The following CATSPERG variants were observed in gnomAD, a reference collection of about 807,000 sequenced individuals.
The protein encoded by CATSPERG is catsper channel auxiliary subunit gamma.
Under a neutral mutation model 145.0 loss-of-function variants are expected in CATSPERG, and 115 were observed. That is an observed-to-expected ratio of 0.79 (90% confidence interval 0.68 to 0.93). CATSPERG has a LOEUF of 0.93. Among genes scored for constraint, CATSPERG ranks in the 40% least tolerant of loss-of-function variants. The pLI, the probability that CATSPERG is intolerant of heterozygous loss-of-function variation, is 0.00. For synonymous variants in CATSPERG, 588 were observed against 589.0 expected, an observed-to-expected ratio of 1.00 and a Z score of 0.02; for missense variants, 1,296 against 1,490.1, an observed-to-expected ratio of 0.87 and a Z score of 2.14.
At chr19:38,341,591 C>A (rs1411931982) in intron 3 of CATSPERG, among the ~76,000 whole-genome samples, 3 of 152,038 alleles carry the variant, frequency 2.0e-5, no homozygotes, top group African/African-American at 7.2e-5. Flanking sequence ...TAGGGAGACC[C>A]TGTCTCTACA....
At chr19:38,356,440 C>G in intron 9 of CATSPERG, 44 bp from the exon 10 acceptor site, 3 of 1,597,470 alleles carry the variant, frequency 1.9e-6, no homozygotes, top group Non-Finnish European at 2.6e-6. Flanking sequence ...GGCTGCCAGA[C>G]AGGAGGGAGA....
At chr19:38,362,879 T>TG (rs759239292) in intron 20 of CATSPERG, 47 bp downstream of exon 20, 149 of 1,231,078 alleles carry the variant, frequency 1.2e-4, no homozygotes, top group Admixed American at 7.8e-4. Flanking sequence ...TTGTTTTTTT[T>TG]TTTTTTTTTT....
Position 38,344,046 on chromosome 19 carries a change from A to T in CATSPERG, c.523A>T (p.Ile175Phe), listed in dbSNP as rs765910483. The T allele has an allele frequency of 6.4e-7, 1 of 1,551,576 alleles. No individual in the cohort carries two copies. Among genetic ancestry groups the T allele is most frequent in the Non-Finnish European group, 8.7e-7 (1 of 1,146,920 alleles). ...CATGAGCTGGTACACGCCCATGCCC[A>T]TCAAGAAAGGCAGTGTGGTCATGCG... ...CSMSWYTPMP[I>F]KKGSVVMRVD... Residue 175 changes from isoleucine to phenylalanine, a missense_variant, in exon 5 of 29, where the codon ATC (isoleucine) becomes TTC (phenylalanine). Ile to Phe is a conservative substitution (Grantham distance 21, BLOSUM62 0). Coordinates refer to ENST00000409235, the MANE Select transcript of CATSPERG (RefSeq NM_021185.5).
chr19:38,353,336 A>G (rs1970181028), intron 8 of CATSPERG, among the ~76,000 whole-genome samples: 1 of 151,326 alleles, frequency 6.6e-6, no homozygotes, highest in Non-Finnish European at 1.5e-5. Flanking sequence ...TCAGTTTAAA[A>G]AAAAGAGAGA....
At chr19:38,352,576 G>A (rs1436944227) in intron 8 of CATSPERG, 144 bp downstream of exon 8, 6 of 686,388 alleles carry the variant, frequency 8.7e-6, no homozygotes, top group South Asian at 3.1e-5. Flanking sequence ...TGCCCACCCC[G>A]AATGGGCCTT....
At chr19:38,365,028 G>A (rs768453621) in intron 21 of CATSPERG, 33 bp from the exon 22 acceptor site, 2 of 1,613,932 alleles carry the variant, frequency 1.2e-6, no homozygotes, top group South Asian at 1.1e-5. Context: ...TGGGCCGGCG[G>A]GGATCACCAT....
rs765154474 is a variant in CATSPERG, at chr19:38,361,763, C to A, written c.1996C>A (p.Arg666Ser). ...GGAGCGCTACCGGGCGCGGCCGCCGCGCGTCCTGGAGCGCTCGGGCTTCCA... is the reference window on the plus strand; with the variant it reads ...GGAGCGCTACCGGGCGCGGCCGCCGAGCGTCCTGGAGCGCTCGGGCTTCCA... ...RQERYRARPP[R>S]VLERSGFHNE... The change falls in exon 17 of 29, where the codon CGC becomes AGC. Residue 666 changes from arginine (R) to serine (S), a missense_variant. By Grantham distance (110) the Arg-to-Ser change is moderately radical. Coordinates refer to ENST00000409235, the MANE Select transcript of CATSPERG (RefSeq NM_021185.5). The A allele has an allele frequency of 1.5e-5, 24 of 1,613,124 alleles. No individual in the cohort carries two copies. The highest frequency in any genetic ancestry group is 1.9e-5 in the Non-Finnish European group (23 of 1,179,636).
chr19:38,356,714 G>A (rs189681757), intron 10 of CATSPERG, 28 bp from the exon 11 acceptor site: 1,378 of 1,613,012 alleles, frequency 8.5e-4, no homozygotes, highest in Non-Finnish European at 1.1e-3. Flanking sequence ...GCCCTGGGGC[G>A]GCTCTGGACT....
intron 8 of CATSPERG, among the ~76,000 whole-genome samples, chr19:38,353,027 C>CAA (rs61080753): frequency 4.1e-4 from 25 of 61,500 alleles, no homozygotes; most frequent in East Asian, 8.2e-4. Flanking sequence ...GACCCTGTTT[C>CAA]AAAAAAAAAA....
chr19:38,343,498 C>CA (rs1479399405), intron 3 of CATSPERG, 82 bp from the exon 4 acceptor site: 1 of 1,280,028 alleles, frequency 7.8e-7, no homozygotes, highest in Non-Finnish European at 1.1e-6. Flanking sequence ...GCCCAGGAGA[C>CA]AGACTGTTAG....
rs372780505 is a variant in CATSPERG at position 38,360,767 on chromosome 19, G to T, written c.1804G>T (p.Val602Phe). Residue 602 changes from valine (V) to phenylalanine (F), a missense_variant, in exon 16 of 29, where the codon GTC becomes TTC. Physicochemically the swap from Val to Phe is conservative, Grantham distance 50 (BLOSUM62 -1). Transcript: ENST00000409235. ...TATGAACAACCAGAAGGGCCAGCTG[G>T]TCAAGAGGCTCGTGCCCGTGGAGCA... ...YLMNNQKGQL[V>F]KRLVPVEQLL... 20 of 1,613,924 alleles carry T rather than the reference G, an allele frequency of 1.2e-5. No individual in the cohort carries two copies. The highest frequency in any genetic ancestry group is 1.7e-5 in the Admixed American group (1 of 59,970).
intron 7 of CATSPERG, among the ~76,000 whole-genome samples, chr19:38,348,164 CT>C (rs201112519): frequency 7.4e-5 from 11 of 149,020 alleles, no homozygotes; most frequent in African/African-American, 2.0e-4. Context: ...TTTACACCAA[CT>C]TTTTTTTTTA....
chr19:38,336,238 G>A (rs1012613905), intron 1 of CATSPERG: 4 of 456,446 alleles, frequency 8.8e-6, no homozygotes, highest in African/African-American at 8.0e-5. Context: ...TGGTGCCGGC[G>A]TGGAAGGAGA....
Position 38,361,866 on chromosome 19 carries a change from G to A in CATSPERG, c.2094+5G>A, listed in dbSNP as rs1402954041. ...CTGCACTCCGTGTACGACAAGGTGG[G>A]CGTCCGGCGGCGGGCGGGCAGGCCT... On this transcript the variant is annotated splice_donor_5th_base_variant and intron_variant, in intron 17 of 28. Coordinates refer to ENST00000409235, the MANE Select transcript of CATSPERG (RefSeq NM_021185.5). 2 of 1,597,254 alleles carry A rather than the reference G, an allele frequency of 1.3e-6. No homozygotes were observed. The highest frequency in any genetic ancestry group is 1.3e-5 in the African/African-American group (1 of 74,652).
rs1969989442 is a variant in CATSPERG at position 38,344,296 on chromosome 19, G to C, written c.597G>C (p.Arg199Ser). ...GCGCCTATTCTGCACCTGCTGCTAGGTTCCAGATGAATATCAACGGCTTCC... is the reference window on the plus strand; with the variant it reads ...GCGCCTATTCTGCACCTGCTGCTAGCTTCCAGATGAATATCAACGGCTTCC... ...NGLGTFIPDK[R>S]FQMNINGFLK... The change falls in exon 6 of 29, where the codon AGG becomes AGC. Residue 199 changes from arginine (R) to serine (S), a missense_variant and splice_region_variant. Transcript: ENST00000409235. 4 of 1,551,580 alleles carry C rather than the reference G, an allele frequency of 2.6e-6. No individual in the cohort carries two copies. The highest frequency in any genetic ancestry group is 2.0e-5 in the Admixed American group (1 of 50,972).
intron 9 of CATSPERG, 111 bp downstream of exon 9, chr19:38,354,958 C>A: frequency 1.6e-6 from 2 of 1,273,762 alleles, no homozygotes; most frequent in Non-Finnish European, 2.2e-6. Context: ...AGGAGGGCCC[C>A]TAGGCTGAGG....
At position 38,351,907 on chromosome 19, in the gene CATSPERG, TA is replaced by T. The variant is rs200385282; in HGVS notation, c.826-346del. ...GGGTGACAGAGCCAGATCCAGCCTTTAAAAAAAATGTCCCTTGGGGCGAGCA... is the reference window on the plus strand; with the variant it reads ...GGGTGACAGAGCCAGATCCAGCCTTTAAAAAAATGTCCCTTGGGGCGAGCA... On this transcript the variant is annotated intron_variant, in intron 7 of 28. Coordinates refer to ENST00000409235, the MANE Select transcript of CATSPERG (RefSeq NM_021185.5). Among the ~76,000 whole-genome samples, 219 of 151,838 alleles carry T rather than the reference TA, an allele frequency of 1.4e-3. 3 individuals carry two copies. In the East Asian group the frequency reaches 0.035, roughly 24 times the overall value.
chr19:38,337,275 C>T lies in CATSPERG; in HGVS notation c.41C>T (p.Pro14Leu). ...PAMFPAGPPW[P>L]RVRVVQVLWA... ...ATGTTCCCTGCCGGTCCTCCGTGGC[C>T]CAGAGTCCGAGTCGTGCAGGTGCTG... The change falls in exon 2 of 29, where the codon CCC becomes CTC. Residue 14 changes from proline to leucine, a missense_variant. By Grantham distance (98) the Pro-to-Leu change is moderately conservative. Coordinates refer to ENST00000409235, the MANE Select transcript of CATSPERG (RefSeq NM_021185.5). 1 of 1,551,516 alleles carries T rather than the reference C, an allele frequency of 6.4e-7. No homozygotes were observed. Among genetic ancestry groups the T allele is most frequent in the Non-Finnish European group, 8.7e-7 (1 of 1,147,014 alleles).
chr19:38,352,359 C>T lies in CATSPERG; in HGVS notation c.924C>T (p.Phe308=), dbSNP rs1327802056. ...CTATTGCCACCGAGAGCACCCTCTT[C>T]ATTCGGCAGAACCAGCTGGTCTACT... is the stretch of plus-strand genomic sequence containing the variant. ...YDTIATESTL[F]IRQNQLVYYF... The change falls in exon 8 of 29, where the codon TTC becomes TTT. Residue 308 remains phenylalanine, a synonymous_variant. Transcript: ENST00000409235. 1 of 1,551,900 alleles carries T rather than the reference C, an allele frequency of 6.4e-7. No homozygotes were observed. Among genetic ancestry groups the T allele is most frequent in the Admixed American group, 2.0e-5 (1 of 50,988 alleles).
Sources: allele counts gnomAD v4.1 joint callset (sites outside exome capture counted in the v4.1 genomes callset), GRCh38; gene constraint gnomAD v4.1.1; transcripts MANE v1.5; gene names NCBI Gene and HGNC (gene_info 2026-07-23, HGNC 2026-07-21).